MTUS1: variants seen among roughly 807,000 people sequenced by gnomAD.
The protein encoded by MTUS1 is microtubule-associated tumor suppressor 1.
Under a neutral mutation model 120.8 loss-of-function variants are expected in MTUS1, and 109 were observed. The ratio of observed to expected loss-of-function variants is 0.90; its 90% confidence interval spans 0.77 to 1.06. MTUS1 has a LOEUF of 1.06. Ranked by LOEUF, MTUS1 falls within the 50% of genes least tolerant of loss-of-function variation. MTUS1 has a pLI of 0.00. For synonymous variants in MTUS1, 737 were observed against 550.5 expected, an observed-to-expected ratio of 1.34 and a Z score of -4.74; for missense variants, 2,210 against 1,486.3, an observed-to-expected ratio of 1.49 and a Z score of -8.01.
At chr8:17,724,281 A>G (rs1012712245) in intron 3 of MTUS1, 3 of 228,060 alleles carry the variant, frequency 1.3e-5, no homozygotes, top group Admixed American at 1.2e-4. Context: ...GTCCAAATAC[A>G]TCTTTGGAAT....
At chr8:17,702,486 A>G (rs1161504162) in intron 6 of MTUS1, among the ~76,000 whole-genome samples, 1 of 152,198 alleles carries the variant, frequency 6.6e-6, no homozygotes. Context: ...ATGCTGTAAC[A>G]AACATCTCGA....
intron 6 of MTUS1, among the ~76,000 whole-genome samples, chr8:17,698,093 T>C (rs981485373): frequency 2.0e-5 from 3 of 152,222 alleles, no homozygotes; most frequent in African/African-American, 7.2e-5. Flanking sequence ...AGTTCAACTT[T>C]AATTCCCACA....
chr8:17,770,042 T>C (rs980530496), intron 1 of MTUS1, among the ~76,000 whole-genome samples: 7 of 152,132 alleles, frequency 4.6e-5, no homozygotes, highest in African/African-American at 1.7e-4. Flanking sequence ...AATAATTTCC[T>C]GCCGCACTCC....
intron 1 of MTUS1, among the ~76,000 whole-genome samples, chr8:17,767,609 G>T (rs555748185): frequency 3.3e-5 from 5 of 151,370 alleles, no homozygotes; most frequent in African/African-American, 1.2e-4. Flanking sequence ...GAGGGCAGGA[G>T]GACTGCCTGA....
intron 2 of MTUS1, among the ~76,000 whole-genome samples, chr8:17,752,239 G>C (rs2048255404): frequency 6.6e-6 from 1 of 152,024 alleles, no homozygotes; most frequent in Admixed American, 6.6e-5. Context: ...CTTTATGATA[G>C]AGTTTTTGGT....
intron 4 of MTUS1, chr8:17,716,472 C>T (rs1011586721): frequency 1.3e-5 from 2 of 152,428 alleles, no homozygotes; most frequent in African/African-American, 4.8e-5. Flanking sequence ...GGGAATCTTA[C>T]CTCAATAACA....
rs1277605686 is a variant in MTUS1, at chr8:17,755,387, T to TC, written c.420dup (p.Lys141GlufsTer3). ...GCACAGTTCAAATTGTCATTAGGCTTCCACACAAAAGGCAAAGATGGCTCA... is the reference window on the plus strand; with the variant it reads ...GCACAGTTCAAATTGTCATTAGGCTTCCCACACAAAAGGCAAAGATGGCTCA... On this transcript the variant is annotated frameshift_variant, in exon 2 of 15. Transcript: ENST00000693296. LOFTEE classifies it high-confidence loss of function. 6.2e-7 allele frequency: 1 copy of TC among 1,614,172 alleles called. No individual in the cohort carries two copies. The highest frequency in any genetic ancestry group is 1.3e-5 in the African/African-American group (1 of 75,044).
Position 17,755,604 on chromosome 8 carries a change from T to C in MTUS1, c.204A>G (p.Glu68=). 1 of 1,614,208 alleles carries C rather than the reference T, an allele frequency of 6.2e-7. No homozygotes were observed. Among genetic ancestry groups the C allele is most frequent in the Non-Finnish European group, 8.5e-7 (1 of 1,180,028 alleles). The change falls in exon 2 of 15, where the codon GAA becomes GAG. Residue 68 remains glutamate, a synonymous_variant. Coordinates refer to ENST00000693296, the MANE Select transcript of MTUS1 (RefSeq NM_001363059.2). The stretch of plus-strand genomic sequence containing the variant: ...CACCCTGAAGGCTTAAAGAAATATT[T>C]TCACCAGTAACTACAGCAGGGTCAG... The part of the protein sequence containing the change: ...YETDPAVVTG[E]NISLSLQGVE...
At chr8:17,774,037 A>G (rs1314608149) in intron 1 of MTUS1, among the ~76,000 whole-genome samples, 1 of 152,120 alleles carries the variant, frequency 6.6e-6, no homozygotes. Context: ...ACCTCATTAT[A>G]TGACCTTAAC....
chr8:17,755,140 T>A lies in MTUS1; in HGVS notation c.668A>T (p.Tyr223Phe), dbSNP rs1374112247. The part of the protein sequence containing the change: ...SDKTHARETT[Y>F]DRESFENPQV... ...AGGGTTTTCAAAGCTTTCTCTATCATAAGTAGTTTCTCTTGCATGCGTCTT... is the reference window on the plus strand; with the variant it reads ...AGGGTTTTCAAAGCTTTCTCTATCAAAAGTAGTTTCTCTTGCATGCGTCTT... Residue 223 changes from tyrosine (Y) to phenylalanine (F), a missense_variant, in exon 2 of 15, where the codon TAT becomes TTT. Coordinates refer to ENST00000693296, the MANE Select transcript of MTUS1 (RefSeq NM_001363059.2). The A allele has an allele frequency of 6.2e-7, 1 of 1,614,122 alleles. No individual in the cohort carries two copies. The highest frequency in any genetic ancestry group is 1.1e-5 in the South Asian group (1 of 91,078).
intron 6 of MTUS1, among the ~76,000 whole-genome samples, chr8:17,710,217 A>G (rs1442744323): frequency 6.6e-6 from 1 of 152,112 alleles, no homozygotes. Flanking sequence ...TGCGACATCA[A>G]TTGACTCTTT....
chr8:17,707,201 G>T (rs1341706781), intron 6 of MTUS1, among the ~76,000 whole-genome samples: 2 of 152,176 alleles, frequency 1.3e-5, no homozygotes, highest in African/African-American at 4.8e-5. Context: ...GAATATCACA[G>T]TAGGGAGAAA....
At chr8:17,660,684 T>A (rs770010624) in intron 8 of MTUS1, among the ~76,000 whole-genome samples, 1 of 152,220 alleles carries the variant, frequency 6.6e-6, no homozygotes, top group Non-Finnish European at 1.5e-5. Flanking sequence ...TTTCTCCACA[T>A]GCTCACCAGA....
chr8:17,731,718 G>A (rs1563284568), intron 3 of MTUS1, among the ~76,000 whole-genome samples: 1 of 152,020 alleles, frequency 6.6e-6, no homozygotes, highest in Non-Finnish European at 1.5e-5. Flanking sequence ...ATGAACAGCA[G>A]CAGATCAAAA....
chr8:17,709,823 C>T (rs547579818), intron 6 of MTUS1, among the ~76,000 whole-genome samples: 11 of 151,952 alleles, frequency 7.2e-5, no homozygotes, highest in African/African-American at 1.4e-4. Flanking sequence ...CTGGCTAACA[C>T]GGTGAAACCC....
chr8:17,692,198 C>T (rs1237697772), intron 6 of MTUS1: 1 of 152,158 alleles, frequency 6.6e-6, no homozygotes, highest in Non-Finnish European at 1.5e-5. Context: ...CATTTTATAC[C>T]TGTCTGTGGG....
At chr8:17,676,135 A>ACAGC (rs1813056837) in intron 7 of MTUS1, 1 of 634,206 alleles carries the variant, frequency 1.6e-6, no homozygotes, top group Admixed American at 2.3e-5. Flanking sequence ...CATCCTGATC[A>ACAGC]CAGCGTTGCA....
Position 17,677,419 on chromosome 8 carries a change from T to C in MTUS1, c.2839-2167A>G, listed in dbSNP as rs182277451. Reference sequence around the variant, plus strand: ...AATTCACTTTTCAGTAGTAACCAAGTTACTAACAGAAGGAAGAGATGGCAA... The same window carrying C: ...AATTCACTTTTCAGTAGTAACCAAGCTACTAACAGAAGGAAGAGATGGCAA... On this transcript the variant is annotated intron_variant, in intron 7 of 14. Coordinates refer to ENST00000693296, the MANE Select transcript of MTUS1 (RefSeq NM_001363059.2). Among the ~76,000 whole-genome samples the C allele has an allele frequency of 4.3e-4, 65 of 152,204 alleles. No homozygotes were observed. In the East Asian group the frequency reaches 0.011, roughly 26 times the overall value.
At chr8:17,798,275 C>G (rs982285478) in intron 1 of MTUS1, among the ~76,000 whole-genome samples, 2 of 152,126 alleles carry the variant, frequency 1.3e-5, no homozygotes, top group Admixed American at 6.5e-5. Context: ...GCAACAGTCT[C>G]TAACCCAAGA....
Sources: gnomAD v4.1 joint callset for allele counts (sites outside exome capture counted in the v4.1 genomes callset) on GRCh38, gnomAD v4.1.1 for gene constraint, MANE v1.5 for transcripts, NCBI Gene and HGNC (gene_info 2026-07-23, HGNC 2026-07-21) for gene names.